Variants in NLRP14 observed in about 807,000 individuals in gnomAD.
NLRP14 encodes the protein NLR family pyrin domain containing 14.
In NLRP14, 105 loss-of-function variants were observed where a neutral mutation model predicts 94.7. That is an observed-to-expected ratio of 1.11 (90% CI 0.95 to 1.30). The LOEUF is 1.30. Among genes scored for constraint, NLRP14 ranks in the 50% most tolerant of loss-of-function variants. NLRP14 has a pLI of 0.00. For missense variants in NLRP14, 1,362 were observed against 1,254.1 expected, an observed-to-expected ratio of 1.09 and a Z score of -1.30; for synonymous variants, 508 against 459.9, an observed-to-expected ratio of 1.10 and a Z score of -1.34.
chr11:7,070,576 CTTAT>C, intron 11 of NLRP14, 120 bp downstream of exon 11: 1 of 703,040 alleles, frequency 1.4e-6, no homozygotes, highest in Non-Finnish European at 2.5e-6. Flanking sequence ...TTTCTAGACA[CTTAT>C]TTGTTTTTCT....
chr11:7,038,444 T>A (rs1363989272), intron 1 of NLRP14, 122 bp from the exon 2 acceptor site: 9 of 785,560 alleles, frequency 1.1e-5, no homozygotes, highest in Admixed American at 2.1e-5. Flanking sequence ...CCGAGCCTAA[T>A]ACAGTGGGCT....
At chr11:7,062,919 G>T (rs971817924) in intron 10 of NLRP14, among the ~76,000 whole-genome samples, 2 of 152,018 alleles carry the variant, frequency 1.3e-5, no homozygotes, top group Non-Finnish European at 2.9e-5. Flanking sequence ...CATTTCTTAC[G>T]TTCAATTCTG....
chr11:7,048,447 A>G (rs1316699490), intron 5 of NLRP14, among the ~76,000 whole-genome samples: 1 of 152,180 alleles, frequency 6.6e-6, no homozygotes, highest in Non-Finnish European at 1.5e-5. Context: ...GTTGCTTAGT[A>G]TGAACTGAAT....
chr11:7,072,805 TTCTA>T (rs1852821589), downstream of NLRP14, among the ~76,000 whole-genome samples: 1 of 152,206 alleles, frequency 6.6e-6, no homozygotes, highest in East Asian at 1.9e-4. Context: ...TCCAGGTGTT[TTCTA>T]TCTGTTGGAG....
intron 6 of NLRP14, among the ~76,000 whole-genome samples, chr11:7,055,125 T>A (rs1852499524): frequency 6.6e-6 from 1 of 152,114 alleles, no homozygotes; most frequent in Non-Finnish European, 1.5e-5. Context: ...GATGTGTAGG[T>A]TTATCCCTGC....
At chr11:7,080,333 T>C in the NLRP14 span, among the ~76,000 whole-genome samples, 1 of 152,192 alleles carries the variant, frequency 6.6e-6, no homozygotes, top group Admixed American at 6.5e-5. Flanking sequence ...TGATATACTA[T>C]CTATCCTTGA....
In NLRP14 at chr11:7,042,783, A is replaced by G. The variant is rs1324319506; in HGVS notation, c.757A>G (p.Ser253Gly). 1.2e-6 allele frequency: 2 copies of G among 1,614,098 alleles called. No individual in the cohort carries two copies. The highest frequency in any genetic ancestry group is 1.7e-6 in the Non-Finnish European group (2 of 1,180,044). The part of the protein sequence containing the change: ...PIEEIMYQPS[S>G]LLFIIDSFDE... ...TGAAGAAATCATGTACCAGCCAAGT[A>G]GCCTCTTGTTTATTATTGACAGTTT... The change falls in exon 4 of 12, where the codon AGC (serine) becomes GGC (glycine). Residue 253 changes from serine (S) to glycine (G), a missense_variant. Physicochemically the swap from Ser to Gly is moderately conservative, Grantham distance 56. Transcript: ENST00000299481.
chr11:7,043,506 T>G lies in NLRP14; in HGVS notation c.1480T>G (p.Leu494Val), dbSNP rs747020298. 2.5e-6 allele frequency: 4 copies of G among 1,614,204 alleles called. No homozygotes were observed. Among genetic ancestry groups the G allele is most frequent in the Non-Finnish European group, 3.4e-6 (4 of 1,180,038 alleles). ...QEFFAAMFYMLKGSWEAGNPS... is the reference protein window; with the variant it reads ...QEFFAAMFYMVKGSWEAGNPS... ...GTTTTTTGCAGCTATGTTCTATATG[T>G]TGAAAGGCAGTTGGGAAGCTGGGAA... The change falls in exon 4 of 12, where the codon TTG becomes GTG. Residue 494 changes from leucine (L) to valine (V), a missense_variant. Leu to Val is a conservative substitution (Grantham distance 32). Coordinates refer to ENST00000299481, the MANE Select transcript of NLRP14 (RefSeq NM_176822.4).
At chr11:7,077,301 G>T in the NLRP14 span, among the ~76,000 whole-genome samples, 1 of 152,324 alleles carries the variant, frequency 6.6e-6, no homozygotes, top group East Asian at 1.9e-4. Context: ...GAGAAAGCAG[G>T]ACCCTGGACA....
At position 7,043,843 on chromosome 11, in the gene NLRP14, C is replaced by A; in HGVS notation, c.1817C>A (p.Ala606Asp). 1.9e-6 allele frequency: 3 copies of A among 1,614,186 alleles called. No homozygotes were observed. Among genetic ancestry groups the A allele is most frequent in the Non-Finnish European group, 2.5e-6 (3 of 1,180,030 alleles). The stretch of plus-strand genomic sequence containing the variant: ...GCAATGAGATGTTTCCCAAAGGTTG[C>A]CATTAATATTTGTGAGAAAATACAT... ...SQAMRCFPKV[A>D]INICEKIHLL... The change falls in exon 4 of 12, where the codon GCC becomes GAC. Residue 606 changes from alanine to aspartate, a missense_variant. Transcript: ENST00000299481.
In NLRP14 at chr11:7,057,170, T is replaced by C. The variant is rs926540160; in HGVS notation, c.2292-507T>C. 5.3e-5 allele frequency among the ~76,000 whole-genome samples: 8 copies of C among 152,202 alleles called. No individual in the cohort carries two copies. In the East Asian group the frequency reaches 7.7e-4, roughly 15 times the overall value. On this transcript the variant is annotated intron_variant, in intron 6 of 11. Transcript: ENST00000299481. ...TTCTGTTTCTCTTCCTTTTAATCTT[T>C]AGAAACAATTTTGTTTTATTTATGA...
intron 1 of NLRP14, among the ~76,000 whole-genome samples, chr11:7,027,686 A>T (rs140199095): frequency 6.6e-6 from 1 of 152,140 alleles, no homozygotes; most frequent in African/African-American, 2.4e-5. Flanking sequence ...TTCTCCTTCC[A>T]GTCTTTTTTG....
rs756409368 is a variant in NLRP14 at position 7,039,710 on chromosome 11, G to T, written c.290-4G>T. 1.2e-6 allele frequency: 2 copies of T among 1,612,064 alleles called. No individual in the cohort carries two copies. Among genetic ancestry groups the T allele is most frequent in the Non-Finnish European group, 1.7e-6 (2 of 1,178,098 alleles). ...TATCATGATCCTATCGGAACCTGTT[G>T]CAGGGTCGGCCCAGACTATAGGACC... On this transcript the variant is annotated splice_region_variant and splice_polypyrimidine_tract_variant and intron_variant, in intron 2 of 11. Coordinates refer to ENST00000299481, the MANE Select transcript of NLRP14 (RefSeq NM_176822.4).
At position 7,070,346 on chromosome 11, in the gene NLRP14, C is replaced by A. The variant is rs1852773747; in HGVS notation, c.3036C>A (p.Cys1012Ter). 1 of 1,609,306 alleles carries A rather than the reference C, an allele frequency of 6.2e-7. No individual in the cohort carries two copies. The highest frequency in any genetic ancestry group is 8.5e-7 in the Non-Finnish European group (1 of 1,175,674). ...AAGATCTCTCCTCTGCTCTTATCTG[C>A]AACAAAAGACTGATAAAAATGAATC... ...CCQDLSSALI[C>*]NKRLIKMNLT... The change falls in exon 11 of 12, where the codon TGC becomes TGA. Residue 1012 changes from cysteine to a stop codon, truncating the protein, a stop_gained. Coordinates refer to ENST00000299481, the MANE Select transcript of NLRP14 (RefSeq NM_176822.4). LOFTEE classifies it high-confidence loss of function.
chr11:7,034,986 C>G (rs563426592), intron 1 of NLRP14, among the ~76,000 whole-genome samples: 20 of 151,914 alleles, frequency 1.3e-4, no homozygotes, highest in Non-Finnish European at 1.9e-4. Flanking sequence ...ATTATCATGA[C>G]AGAAGTTGTA....
intron 5 of NLRP14, among the ~76,000 whole-genome samples, chr11:7,048,149 G>A (rs958360196): frequency 3.9e-5 from 6 of 152,044 alleles, no homozygotes; most frequent in Non-Finnish European, 8.8e-5. Flanking sequence ...TTGCTGATTA[G>A]TATTCCATTG....
intron 1 of NLRP14, among the ~76,000 whole-genome samples, chr11:7,028,467 G>T (rs1852045195): frequency 6.6e-6 from 1 of 152,022 alleles, no homozygotes; most frequent in African/African-American, 2.4e-5. Flanking sequence ...CTCTTAACTG[G>T]TCTGCTTGCT....
intron 6 of NLRP14, among the ~76,000 whole-genome samples, chr11:7,052,970 C>T (rs1852463210): frequency 1.3e-5 from 2 of 152,118 alleles, no homozygotes; most frequent in South Asian, 2.1e-4. Context: ...TTCTTTTATT[C>T]ATTAATAAAC....
chr11:7,077,503 G>C, the NLRP14 span, among the ~76,000 whole-genome samples: 1 of 152,218 alleles, frequency 6.6e-6, no homozygotes. Context: ...TTAAAAGTCA[G>C]CCACTCTTTT....
Sources: gnomAD v4.1 joint callset for allele counts (sites outside exome capture counted in the v4.1 genomes callset) on GRCh38, gnomAD v4.1.1 for gene constraint, MANE v1.5 for transcripts, NCBI Gene and HGNC (gene_info 2026-07-23, HGNC 2026-07-21) for gene names.